Variants in CLOCK observed in about 807,000 individuals in gnomAD.
The protein encoded by CLOCK is clock circadian regulator, also known as circadian locomoter output cycles protein kaput.
In CLOCK, 43 loss-of-function variants were observed where a neutral mutation model predicts 118.4. The observed-to-expected ratio is 0.36, with a 90% CI of 0.28 to 0.47. The LOEUF (loss-of-function observed/expected upper bound fraction) is 0.47, where lower values mean the gene tolerates loss of function less well. Among genes scored for constraint, CLOCK ranks in the 20% least tolerant of loss-of-function variants. The pLI is 1.00. For missense variants in CLOCK, 846 were observed against 999.9 expected (o/e 0.85, Z 2.08); for synonymous variants, 326 against 339.2 (o/e 0.96, Z 0.43).
intron 4 of CLOCK, among the ~76,000 whole-genome samples, chr4:55,480,846 G>A (rs192549963): frequency 1.0e-4 from 15 of 150,104 alleles, no homozygotes; most frequent in African/African-American, 3.4e-4. Flanking sequence ...AGCCGAGATC[G>A]TACCACTGCA....
rs760584013 is a variant in CLOCK, at chr4:55,478,645, G to A, written c.256+170C>T. 3.9e-5 allele frequency among the ~76,000 whole-genome samples: 6 copies of A among 152,050 alleles called. No homozygotes were observed. The East Asian group carries it at 1.2e-3, about 29-fold the overall frequency. On this transcript the variant is annotated intron_variant, in intron 6 of 22. Transcript: ENST00000513440. ...TGAGGATTTAGCATGTAGTAGGCAC[G>A]GAATAAATGTTTGTTGAATGAAAGA...
chr4:55,514,744 G>A (rs1297873086), intron 1 of CLOCK, among the ~76,000 whole-genome samples: 1 of 152,100 alleles, frequency 6.6e-6, no homozygotes, highest in East Asian at 1.9e-4. Context: ...CTTGATCACA[G>A]CATATAGTTC....
intron 18 of CLOCK, among the ~76,000 whole-genome samples, chr4:55,445,592 T>C (rs1723758198): frequency 8.4e-6 from 1 of 119,332 alleles, no homozygotes; most frequent in Admixed American, 9.0e-5. Context: ...CTTTTTTTTT[T>C]TTTTTTTTTT....
intron 15 of CLOCK, among the ~76,000 whole-genome samples, chr4:55,450,872 T>C (rs1724379993): frequency 6.6e-6 from 1 of 152,000 alleles, no homozygotes; most frequent in Non-Finnish European, 1.5e-5. Flanking sequence ...GCCAGGTGAA[T>C]GCCTGCGGTG....
chr4:55,540,850 T>TG (rs1273339415), intron 1 of CLOCK: 1 of 152,172 alleles, frequency 6.6e-6, no homozygotes, highest in African/African-American at 2.4e-5. Context: ...TTCCACTATT[T>TG]GGGATGAGAA....
At chr4:55,545,803 C>T (rs1397508341) in intron 1 of CLOCK, 1 of 152,448 alleles carries the variant, frequency 6.6e-6, no homozygotes, top group East Asian at 1.9e-4. Flanking sequence ...AACCCAGCTT[C>T]ACTGGCGGAA....
intron 1 of CLOCK, among the ~76,000 whole-genome samples, chr4:55,530,774 C>CAAAAAAAAAAAAAAAAAAAAAA (rs60810379): frequency 1.2e-4 from 4 of 33,042 alleles, no homozygotes; most frequent in African/African-American, 2.8e-4. Context: ...GACTCCATCG[C>CAAAAAAAAAAAAAAAAAAAAAA]AAAAAAAAAA....
At chr4:55,440,476 T>C (rs1723274608) in intron 21 of CLOCK, among the ~76,000 whole-genome samples, 1 of 152,204 alleles carries the variant, frequency 6.6e-6, no homozygotes, top group Non-Finnish European at 1.5e-5. Flanking sequence ...AACATAGATG[T>C]GGCATGACAT....
intron 9 of CLOCK, among the ~76,000 whole-genome samples, chr4:55,463,076 G>C (rs926713744): frequency 1.1e-4 from 16 of 152,066 alleles, no homozygotes; most frequent in African/African-American, 3.9e-4. Context: ...AGGTACTCCG[G>C]TCAAATAAAT....
In CLOCK at chr4:55,428,517, T is replaced by C. The variant is rs866561951; in HGVS notation, c.*6898A>G. Reference sequence around the variant, plus strand: ...CAACAAATGGAAAATGCCTTTCGTTTCTATAAATCATTTTGGATTTCAATT... The same window carrying C: ...CAACAAATGGAAAATGCCTTTCGTTCCTATAAATCATTTTGGATTTCAATT... On this transcript the variant is annotated 3_prime_UTR_variant, in exon 23 of 23. Transcript: ENST00000513440. 3 of 152,234 alleles carry C rather than the reference T, an allele frequency of 2.0e-5. No homozygotes were observed. The highest frequency in any genetic ancestry group is 4.8e-5 in the African/African-American group (2 of 41,456). 9.4% of individuals were successfully genotyped at this position (152,234 alleles called of 1,614,324 possible).
At chr4:55,463,378 T>C (rs1725508367) in intron 9 of CLOCK, among the ~76,000 whole-genome samples, 1 of 152,142 alleles carries the variant, frequency 6.6e-6, no homozygotes, top group South Asian at 2.1e-4. Context: ...AGTAAAGTTT[T>C]ATTTATAAAT....
chr4:55,450,107 G>T lies in CLOCK; in HGVS notation c.1332C>A (p.Ala444=), dbSNP rs762362672. 1 of 1,614,078 alleles carries T rather than the reference G, an allele frequency of 6.2e-7. No individual in the cohort carries two copies. The highest frequency in any genetic ancestry group is 1.1e-5 in the South Asian group (1 of 91,068). The change falls in exon 16 of 23, where the codon GCC becomes GCA. Residue 444 remains alanine (A), a synonymous_variant. Transcript: ENST00000513440. Reference sequence around the variant, plus strand: ...GGTACTCACAGGAAGGGTCTGAGACGGCCGTGTGAGATGATTTTCTTGAAC... The same window carrying T: ...GGTACTCACAGGAAGGGTCTGAGACTGCCGTGTGAGATGATTTTCTTGAAC... ...SRSSRKSSHT[A]VSDPSSTPTK... is the part of the protein sequence containing the mutation.
intron 1 of CLOCK, among the ~76,000 whole-genome samples, chr4:55,521,814 T>C (rs939278159): frequency 2.6e-5 from 4 of 152,094 alleles, no homozygotes; most frequent in African/African-American, 9.7e-5. Context: ...ATGGTATGCA[T>C]ATATGAGTGT....
At chr4:55,476,154 C>T (rs2109879954) in intron 6 of CLOCK, 100 bp from the exon 7 acceptor site, 2 of 785,812 alleles carry the variant, frequency 2.5e-6, no homozygotes, top group Non-Finnish European at 4.5e-6. Flanking sequence ...TTAAAGATGA[C>T]AACCGTAGGC....
intron 1 of CLOCK, among the ~76,000 whole-genome samples, chr4:55,512,959 T>C (rs573737167): frequency 2.0e-5 from 3 of 152,288 alleles, no homozygotes; most frequent in Admixed American, 1.3e-4. Flanking sequence ...AAATTCCTAT[T>C]GTCTAGTGAC....
chr4:55,503,981 A>T (rs1418553103), intron 2 of CLOCK, among the ~76,000 whole-genome samples: 1 of 132,044 alleles, frequency 7.6e-6, no homozygotes, highest in East Asian at 2.1e-4. Context: ...AAAGAGGTAA[A>T]AAAAAAAAAA....
chr4:55,437,944 G>A (rs1039398458), intron 22 of CLOCK, among the ~76,000 whole-genome samples: 1 of 152,108 alleles, frequency 6.6e-6, no homozygotes, highest in African/African-American at 2.4e-5. Context: ...CAGAGTTTAT[G>A]GTTGGCTAGA....
At chr4:55,523,075 C>T (rs1225746464) in intron 1 of CLOCK, among the ~76,000 whole-genome samples, 2 of 151,834 alleles carry the variant, frequency 1.3e-5, no homozygotes, top group African/African-American at 2.4e-5. Context: ...GCGGGCGGAT[C>T]GCGAGGTCAG....
At chr4:55,527,372 T>A (rs1363496743) in intron 1 of CLOCK, among the ~76,000 whole-genome samples, 1 of 152,136 alleles carries the variant, frequency 6.6e-6, no homozygotes, top group Non-Finnish European at 1.5e-5. Context: ...TAAAACATCC[T>A]GTAAAAACAA....
Sources: allele counts gnomAD v4.1 joint callset (sites outside exome capture counted in the v4.1 genomes callset), GRCh38; gene constraint gnomAD v4.1.1; transcripts MANE v1.5; gene names NCBI Gene and HGNC (gene_info 2026-07-23, HGNC 2026-07-21).